Variants in TECRL observed in about 807,000 individuals in gnomAD.
The protein encoded by TECRL is trans-2,3-enoyl-CoA reductase like.
TECRL carries 63 observed loss-of-function variants against 52.8 expected under a neutral mutation model. The observed-to-expected ratio is 1.19, with a 90% CI of 0.97 to 1.47. TECRL has a LOEUF of 1.47. TECRL is among the 40% of genes most tolerant of loss of function. The pLI is 0.00. For missense variants in TECRL, 482 were observed against 429.6 expected, an observed-to-expected ratio of 1.12 and a Z score of -1.08; for synonymous variants, 164 against 141.9, an observed-to-expected ratio of 1.16 and a Z score of -1.10.
In TECRL at chr4:64,361,388, C is replaced by T. The variant is rs532558210; in HGVS notation, c.286+13784G>A. Among the ~76,000 whole-genome samples the T allele has an allele frequency of 3.1e-4, 47 of 152,142 alleles. No homozygotes were observed. The South Asian group carries it at 9.3e-3, about 30-fold the overall frequency. On this transcript the variant is annotated intron_variant, in intron 2 of 11. Transcript: ENST00000381210. Reference sequence around the variant, plus strand: ...TACAGGTGTGCCCATATGCATGGACCGTCTGCCGCCACCTATCCAAATGTG... The same window carrying T: ...TACAGGTGTGCCCATATGCATGGACTGTCTGCCGCCACCTATCCAAATGTG...
chr4:64,354,968 A>T lies in TECRL; in HGVS notation c.286+20204T>A, dbSNP rs562979425. 2.0e-5 allele frequency among the ~76,000 whole-genome samples: 3 copies of T among 152,320 alleles called. No individual in the cohort carries two copies. In the South Asian group the frequency reaches 6.2e-4, roughly 32 times the overall value. ...TTCCTTTAGTAAAAAGAACCATGAT[A>T]TGGATAAGTGAGTAAGTAAAGTAGA... On this transcript the variant is annotated intron_variant, in intron 2 of 11. Coordinates refer to ENST00000381210, the MANE Select transcript of TECRL (RefSeq NM_001010874.5).
At chr4:64,281,296 T>C (rs1401510098) in intron 10 of TECRL, among the ~76,000 whole-genome samples, 178 bp downstream of exon 10, 1 of 151,910 alleles carries the variant, frequency 6.6e-6, no homozygotes, top group Non-Finnish European at 1.5e-5. Context: ...TGAAAGACAT[T>C]GTTTAATATT....
At chr4:64,277,139 G>T, downstream of TECRL, 3 of 880,542 alleles carry the variant, frequency 3.4e-6, no homozygotes, top group Non-Finnish European at 5.1e-6. Flanking sequence ...AACAGTAAGG[G>T]AATAACTGAT....
chr4:64,285,576 C>G (rs1295196202), intron 9 of TECRL, among the ~76,000 whole-genome samples: 1 of 151,930 alleles, frequency 6.6e-6, no homozygotes, highest in Non-Finnish European at 1.5e-5. Context: ...TAGGAGACAC[C>G]AGTTTAGAGC....
chr4:64,313,732 A>G (rs1490066669), intron 5 of TECRL, among the ~76,000 whole-genome samples: 2 of 149,924 alleles, frequency 1.3e-5, no homozygotes, highest in African/African-American at 4.9e-5. Context: ...CCACCCGCCT[A>G]GGCCTCCCAA....
intron 2 of TECRL, among the ~76,000 whole-genome samples, chr4:64,361,656 A>G (rs1321909893): frequency 1.3e-5 from 2 of 152,096 alleles, no homozygotes; most frequent in East Asian, 1.9e-4. Flanking sequence ...ACTAAACCCA[A>G]CTTATTCCAT....
At chr4:64,306,167 G>A (rs1030538545) in intron 6 of TECRL, among the ~76,000 whole-genome samples, 4 of 152,140 alleles carry the variant, frequency 2.6e-5, no homozygotes, top group Non-Finnish European at 5.9e-5. Flanking sequence ...CTGGGCCTCT[G>A]TCAGTCAGTT....
intron 11 of TECRL, 55 bp from the exon 12 acceptor site, chr4:64,280,254 AT>A: frequency 7.9e-7 from 1 of 1,265,372 alleles, no homozygotes; most frequent in Non-Finnish European, 1.1e-6. Context: ...GAAATGTTAT[AT>A]TAGGAAAAGG....
intron 2 of TECRL, among the ~76,000 whole-genome samples, chr4:64,336,625 G>T (rs573298088): frequency 6.6e-6 from 1 of 152,218 alleles, no homozygotes; most frequent in East Asian, 1.9e-4. Context: ...GAACTTTCCC[G>T]CTTTCTCTTG....
At chr4:64,365,351 C>T (rs1721521436) in intron 2 of TECRL, among the ~76,000 whole-genome samples, 1 of 152,074 alleles carries the variant, frequency 6.6e-6, no homozygotes, top group Non-Finnish European at 1.5e-5. Flanking sequence ...TTTACCATTC[C>T]TATTCAACAC....
intron 2 of TECRL, among the ~76,000 whole-genome samples, chr4:64,373,419 A>AT (rs1722120040): frequency 6.6e-6 from 1 of 151,780 alleles, no homozygotes; most frequent in African/African-American, 2.4e-5. Context: ...CATTTCTAGG[A>AT]TTTTTTGTAA....
chr4:64,370,692 T>C (rs1721916051), intron 2 of TECRL, among the ~76,000 whole-genome samples: 1 of 151,728 alleles, frequency 6.6e-6, no homozygotes, highest in Non-Finnish European at 1.5e-5. Context: ...ATTTTGATAA[T>C]ATAGAAAGAA....
chr4:64,351,505 T>G (rs1402841980), intron 2 of TECRL, among the ~76,000 whole-genome samples: 1 of 152,010 alleles, frequency 6.6e-6, no homozygotes, highest in Non-Finnish European at 1.5e-5. Flanking sequence ...ACTCCTGGAC[T>G]TAAGTGATCC....
rs960678832 is a variant in TECRL at position 64,289,589 on chromosome 4, T to C, written c.832+121A>G. On this transcript the variant is annotated intron_variant, in intron 9 of 11. Transcript: ENST00000381210. ...AAAACTAGACATAAAAGGGAAAAAA[T>C]GTGGCACATGTATTTCCAACTATTG... The C allele has an allele frequency of 9.4e-6, 7 of 745,474 alleles. No individual in the cohort carries two copies. The African/African-American group carries it at 9.4e-5, about 10-fold the overall frequency. The allele number at this position is 745,474 out of a possible 1,614,324, so 46.2% of individuals were successfully genotyped here.
At chr4:64,306,311 G>T (rs1267728500) in intron 6 of TECRL, among the ~76,000 whole-genome samples, 2 of 152,082 alleles carry the variant, frequency 1.3e-5, no homozygotes, top group Non-Finnish European at 2.9e-5. Flanking sequence ...CCTTCATGGA[G>T]CTCTAGCCGT....
Position 64,409,337 on chromosome 4 carries a change from G to C in TECRL, c.15C>G (p.His5Gln), listed in dbSNP as rs773646608. MFKR[H>Q]KSLASERKRA... is the part of the protein sequence containing the mutation. ...TCTTGCGTTCCGAAGCGAGGGACTT[G>C]TGCCTTTTGAACATTGTGTGAACTA... Residue 5 changes from histidine to glutamine, a missense_variant, in exon 1 of 12, where the codon CAC becomes CAG. Coordinates refer to ENST00000381210, the MANE Select transcript of TECRL (RefSeq NM_001010874.5). 12 of 1,613,268 alleles carry C rather than the reference G, an allele frequency of 7.4e-6. No individual in the cohort carries two copies. Among genetic ancestry groups the C allele is most frequent in the Non-Finnish European group, 6.8e-6 (8 of 1,179,552 alleles).
chr4:64,297,673 A>G (rs920170580), intron 8 of TECRL, among the ~76,000 whole-genome samples: 1 of 151,170 alleles, frequency 6.6e-6, no homozygotes, highest in African/African-American at 2.4e-5. Flanking sequence ...ACTTATAATA[A>G]CTTTCAAACA....
chr4:64,403,927 T>C (rs1473510440), intron 1 of TECRL, among the ~76,000 whole-genome samples: 1 of 151,378 alleles, frequency 6.6e-6, no homozygotes, highest in South Asian at 2.1e-4. Context: ...AAAACTGCCA[T>C]GTGGCCATTC....
chr4:64,352,870 T>C (rs979697453), intron 2 of TECRL, among the ~76,000 whole-genome samples: 2 of 152,204 alleles, frequency 1.3e-5, no homozygotes, highest in African/African-American at 4.8e-5. Flanking sequence ...TTTTGACAAC[T>C]TTTTTCTAAT....
Sources: gnomAD v4.1 joint callset for allele counts (sites outside exome capture counted in the v4.1 genomes callset) on GRCh38, gnomAD v4.1.1 for gene constraint, MANE v1.5 for transcripts, NCBI Gene and HGNC (gene_info 2026-07-23, HGNC 2026-07-21) for gene names.